The following TENM2 variants were observed in gnomAD, a reference collection of about 807,000 sequenced individuals.
TENM2 encodes teneurin-2.
TENM2 carries 52 observed loss-of-function variants against 245.2 expected under a neutral mutation model. That is an observed-to-expected ratio of 0.21 (90% confidence interval 0.17 to 0.27). TENM2 has a LOEUF of 0.27. Among genes scored for constraint, TENM2 ranks in the 10% least tolerant of loss-of-function variants. The pLI, the probability that TENM2 is intolerant of heterozygous loss-of-function variation, is 1.00. For synonymous variants in TENM2, 1,363 were observed against 1,438.9 expected (o/e 0.95, Z 1.19); for missense variants, 3,046 against 3,666.8 (o/e 0.83, Z 4.37).
At chr5:167,597,046 C>T (rs1394673814) in intron 2 of TENM2, among the ~76,000 whole-genome samples, 1 of 152,090 alleles carries the variant, frequency 6.6e-6, no homozygotes, top group Non-Finnish European at 1.5e-5. Flanking sequence ...GTTTTCAGTC[C>T]TCACACACAT....
intron 2 of TENM2, among the ~76,000 whole-genome samples, chr5:167,865,305 G>C (rs1404719916): frequency 1.3e-5 from 2 of 151,976 alleles, no homozygotes; most frequent in Non-Finnish European, 2.9e-5. Context: ...TTTTTGTAGA[G>C]TGTTGCTCTG....
intron 2 of TENM2, among the ~76,000 whole-genome samples, chr5:167,777,043 G>C (rs1763855994): frequency 6.6e-6 from 1 of 152,142 alleles, no homozygotes; most frequent in African/African-American, 2.4e-5. Context: ...AAACAAAACT[G>C]GCATAAATAA....
At chr5:167,990,978 G>A (rs748362565) in intron 4 of TENM2, among the ~76,000 whole-genome samples, 27 of 152,292 alleles carry the variant, frequency 1.8e-4, no homozygotes, top group Middle Eastern at 3.4e-3. Context: ...CTTCCAAAGG[G>A]TCTAACTGGA....
At chr5:167,074,192 A>G in the TENM2 span, among the ~76,000 whole-genome samples, 1 of 152,234 alleles carries the variant, frequency 6.6e-6, no homozygotes, top group Non-Finnish European at 1.5e-5. Context: ...GAATATGTAT[A>G]GGACTTTATG....
intron 2 of TENM2, among the ~76,000 whole-genome samples, chr5:167,486,619 T>G (rs2127536538): frequency 6.6e-6 from 1 of 152,270 alleles, no homozygotes; most frequent in South Asian, 2.1e-4. Flanking sequence ...TTAGCCACCG[T>G]GCCCGGCCTG....
chr5:167,460,934 G>T (rs1255585497), intron 2 of TENM2, among the ~76,000 whole-genome samples: 1 of 152,098 alleles, frequency 6.6e-6, no homozygotes, highest in Non-Finnish European at 1.5e-5. Flanking sequence ...TACTCACAAA[G>T]AAATGAAATT....
intron 3 of TENM2, among the ~76,000 whole-genome samples, chr5:167,888,679 C>T (rs566619699): frequency 1.3e-5 from 2 of 152,234 alleles, no homozygotes; most frequent in East Asian, 3.9e-4. Context: ...CATAGAAAAA[C>T]TGTTTTGTGT....
At position 167,358,803 on chromosome 5, in the gene TENM2, GCA is replaced by G. The variant is rs58530155; in HGVS notation, c.227-16347_227-16346del. Among the ~76,000 whole-genome samples, 1,263 of 143,926 alleles carry G rather than the reference GCA, an allele frequency of 8.8e-3. 8 individuals carry two copies. Among genetic ancestry groups the G allele is most frequent in the African/African-American group, 0.018 (674 of 38,488 alleles). The allele number at this position is 143,926 out of a possible 152,430, so 94.4% of individuals were successfully genotyped here. ...ATCTCGAAGACTGAAATTCTGATCT[GCA>G]CACACACACACACACACACACACAC... is the stretch of plus-strand genomic sequence containing the variant. On this transcript the variant is annotated intron_variant, in intron 1 of 28. Transcript: ENST00000518659.
At chr5:167,141,722 T>G in the TENM2 span, among the ~76,000 whole-genome samples, 1 of 152,200 alleles carries the variant, frequency 6.6e-6, no homozygotes, top group African/African-American at 2.4e-5. Context: ...ATGCTAATAA[T>G]ATACTGGGTA....
chr5:167,925,288 T>C (rs886169048), intron 3 of TENM2, among the ~76,000 whole-genome samples: 1 of 152,216 alleles, frequency 6.6e-6, no homozygotes, highest in African/African-American at 2.4e-5. Flanking sequence ...AGTACTTGCT[T>C]ATCATTCCAT....
At chr5:167,191,245 T>C in the TENM2 span, among the ~76,000 whole-genome samples, 1 of 152,064 alleles carries the variant, frequency 6.6e-6, no homozygotes, top group Admixed American at 6.6e-5. Context: ...ATACAGCATA[T>C]ATGTTATCCA....
intron 1 of TENM2, among the ~76,000 whole-genome samples, chr5:167,317,279 A>G (rs1756419914): frequency 6.6e-6 from 1 of 151,994 alleles, no homozygotes; most frequent in Non-Finnish European, 1.5e-5. Flanking sequence ...TTGATTTTAT[A>G]TTTAATTCTT....
intron 2 of TENM2, among the ~76,000 whole-genome samples, chr5:167,434,427 A>G (rs1234386104): frequency 3.3e-5 from 5 of 150,474 alleles, no homozygotes; most frequent in Non-Finnish European, 7.4e-5. Flanking sequence ...AAAAAAAAAA[A>G]AAAAAAAAAA....
chr5:168,126,658 G>A (rs2152359415), intron 11 of TENM2, 96 bp from the exon 14 acceptor site: 2 of 966,652 alleles, frequency 2.1e-6, no homozygotes, highest in East Asian at 5.3e-5. Flanking sequence ...GGGCCTCGGG[G>A]CCTGCTCCAG....
At chr5:167,054,122 G>A in the TENM2 span, among the ~76,000 whole-genome samples, 12 of 152,124 alleles carry the variant, frequency 7.9e-5, no homozygotes, top group African/African-American at 1.9e-4. Context: ...AATGGATGAC[G>A]ACATGTCTCC....
chr5:167,811,977 G>A (rs1007060040), intron 2 of TENM2, among the ~76,000 whole-genome samples: 1 of 152,136 alleles, frequency 6.6e-6, no homozygotes, highest in Non-Finnish European at 1.5e-5. Context: ...CATACACAAG[G>A]ACGTCATTTC....
intron 2 of TENM2, among the ~76,000 whole-genome samples, chr5:167,683,259 T>TTTTTTC (rs1756856731): frequency 6.6e-6 from 1 of 151,704 alleles, no homozygotes. Flanking sequence ...CTTTTTTTTT[T>TTTTTTC]TCCCCCCCTG....
chr5:167,172,826 T>G, the TENM2 span, among the ~76,000 whole-genome samples: 1 of 152,126 alleles, frequency 6.6e-6, no homozygotes, highest in Non-Finnish European at 1.5e-5. Flanking sequence ...GAGTTGCTCA[T>G]GCTGGTCTCA....
the TENM2 span, among the ~76,000 whole-genome samples, chr5:167,040,442 A>G: frequency 6.6e-6 from 1 of 152,050 alleles, no homozygotes; most frequent in African/African-American, 2.4e-5. Flanking sequence ...GTAAACAGCA[A>G]TCAAATCATG....
Sources: allele counts gnomAD v4.1 joint callset (sites outside exome capture counted in the v4.1 genomes callset), GRCh38; gene constraint gnomAD v4.1.1; transcripts MANE v1.5; gene names NCBI Gene and HGNC (gene_info 2026-07-23, HGNC 2026-07-21).